ZNF280D: variants seen among roughly 807,000 people sequenced by gnomAD.
The protein encoded by ZNF280D is zinc finger protein 280D.
A neutral mutation model predicts 94.7 loss-of-function variants in ZNF280D; 39 were observed. The ratio of observed to expected loss-of-function variants is 0.41; its 90% confidence interval spans 0.32 to 0.54. ZNF280D has a LOEUF of 0.54. Among genes scored for constraint, ZNF280D ranks in the 20% least tolerant of loss-of-function variants. ZNF280D has a pLI of 0.22. For synonymous variants in ZNF280D, 398 were observed against 377.6 expected (o/e 1.05, Z -0.63); for missense variants, 1,090 against 1,149.3 (o/e 0.95, Z 0.75).
intron 16 of ZNF280D, among the ~76,000 whole-genome samples, chr15:56,659,175 TAAAAAAAA>T (rs35057161): frequency 2.1e-5 from 2 of 93,210 alleles, no homozygotes; most frequent in Admixed American, 1.3e-4. Context: ...TGTTTTTTAT[TAAAAAAAA>T]AAAAAAAAAA....
intron 17 of ZNF280D, 42 bp downstream of exon 17, chr15:56,658,382 C>T (rs1247820891): frequency 4.7e-6 from 7 of 1,484,934 alleles, no homozygotes; most frequent in African/African-American, 1.4e-5. Flanking sequence ...TAAGTCATTA[C>T]AATTTTTCAA....
rs947798244 is a variant in ZNF280D at position 56,706,967 on chromosome 15, C to T, written c.28+115G>A. ...TTTATGTGAACATTTGTTACTTTAA[C>T]AATTTTAAGCATTTTTGTTTTTTAA... On this transcript the variant is annotated intron_variant, in intron 3 of 21. Transcript: ENST00000267807. 10 of 935,308 alleles carry T rather than the reference C, an allele frequency of 1.1e-5. No homozygotes were observed. In the African/African-American group the frequency reaches 1.5e-4, roughly 14 times the overall value. 57.9% of individuals were successfully genotyped at this position (935,308 alleles called of 1,614,324 possible).
chr15:56,701,185 C>A lies in ZNF280D; in HGVS notation c.229G>T (p.Ala77Ser), dbSNP rs748736243. 1 of 1,593,194 alleles carries A rather than the reference C, an allele frequency of 6.3e-7. No individual in the cohort carries two copies. The highest frequency in any genetic ancestry group is 8.6e-7 in the Non-Finnish European group (1 of 1,169,276). The change falls in exon 5 of 22, where the codon GCA becomes TCA. Residue 77 changes from alanine to serine, a missense_variant. By Grantham distance (99) the Ala-to-Ser change is moderately conservative. Around this residue, in one of 3 missense-constraint regions of ZNF280D, gnomAD observed 386 missense variants for 372.0 expected, o/e 1.04. Coordinates refer to ENST00000267807, the MANE Select transcript of ZNF280D (RefSeq NM_017661.4). The stretch of plus-strand genomic sequence containing the variant: ...AATAATACTGTACCTCGACTGAGTG[C>A]ACCATTCTTTAGTCCCCTTGAATAT... ...SSYSRGLKNG[A>S]LSRGITAAFK... is the part of the protein sequence containing the mutation.
intron 16 of ZNF280D, among the ~76,000 whole-genome samples, chr15:56,663,571 G>T (rs1337252208): frequency 4.6e-5 from 7 of 152,054 alleles, no homozygotes. Context: ...GGGAAGCAAG[G>T]GTACCACTGA....
chr15:56,704,393 TTG>T, intron 3 of ZNF280D, 126 bp from the exon 4 acceptor site: 1 of 909,088 alleles, frequency 1.1e-6, no homozygotes, highest in Non-Finnish European at 1.7e-6. Flanking sequence ...GAATTGATAT[TTG>T]TAGTCAGTAT....
intron 13 of ZNF280D, among the ~76,000 whole-genome samples, chr15:56,670,009 A>ATATATATATATTAT (rs56365440): frequency 0.031 from 91 of 2,974 alleles, 20 homozygotes; most frequent in South Asian, 0.15. Flanking sequence ...ATATATATAT[A>ATATATATATATTAT]ATATATATAT....
At chr15:56,674,089 C>G (rs1409948737) in intron 13 of ZNF280D, among the ~76,000 whole-genome samples, 2 of 152,038 alleles carry the variant, frequency 1.3e-5, no homozygotes. Flanking sequence ...CCTAAAGCAG[C>G]CCCTAGCACA....
At chr15:56,668,325 C>A in intron 14 of ZNF280D, 1 of 354,258 alleles carries the variant, frequency 2.8e-6, no homozygotes, top group South Asian at 2.1e-5. Flanking sequence ...TGCAGTCAGA[C>A]ATGTGTTTGC....
At chr15:56,657,508 C>A (rs1157476186) in intron 17 of ZNF280D, among the ~76,000 whole-genome samples, 3 of 152,102 alleles carry the variant, frequency 2.0e-5, no homozygotes, top group African/African-American at 7.2e-5. Context: ...CTGGACACCA[C>A]CTTTCCACTG....
intron 9 of ZNF280D, among the ~76,000 whole-genome samples, chr15:56,688,203 G>T (rs1236881193): frequency 1.3e-5 from 2 of 151,862 alleles, no homozygotes; most frequent in East Asian, 3.9e-4. Context: ...TAAATTCAGG[G>T]GCTTCTTGTA....
chr15:56,652,776 A>C, intron 19 of ZNF280D: 1 of 985,088 alleles, frequency 1.0e-6, no homozygotes, highest in Non-Finnish European at 1.2e-6. Flanking sequence ...CTCACAATTA[A>C]GGTAATATTA....
intron 1 of ZNF280D, among the ~76,000 whole-genome samples, chr15:56,721,062 A>T (rs1405299918): frequency 6.6e-6 from 1 of 151,492 alleles, no homozygotes; most frequent in Non-Finnish European, 1.5e-5. Context: ...ACCCAGGTTC[A>T]AGTGATTCTT....
chr15:56,728,553 TTGA>T (rs2058738216), intron 1 of ZNF280D, among the ~76,000 whole-genome samples: 1 of 152,174 alleles, frequency 6.6e-6, no homozygotes, highest in South Asian at 2.1e-4. Flanking sequence ...GTATTGCATT[TTGA>T]TGATGTACAT....
chr15:56,727,647 A>ATCTT (rs2058690339), intron 1 of ZNF280D, among the ~76,000 whole-genome samples: 1 of 152,206 alleles, frequency 6.6e-6, no homozygotes, highest in African/African-American at 2.4e-5. Context: ...TACAATTAAG[A>ATCTT]ACTCAGACTT....
chr15:56,677,877 A>C lies in ZNF280D; in HGVS notation c.1163-203T>G, dbSNP rs553425779. Among the ~76,000 whole-genome samples the C allele has an allele frequency of 7.5e-4, 114 of 152,242 alleles. 3 individuals carry two copies. The highest frequency in any genetic ancestry group is 1.7e-3 in the South Asian group (8 of 4,812). On this transcript the variant is annotated intron_variant, in intron 11 of 21. Transcript: ENST00000267807. ...ACTCAACTCCTATTAACAACCCTAT[A>C]AGAAAGGTATTTCTGTTATCCGCAT...
intron 20 of ZNF280D, among the ~76,000 whole-genome samples, chr15:56,636,403 A>G (rs181330559): frequency 2.0e-5 from 3 of 152,070 alleles, no homozygotes; most frequent in African/African-American, 7.2e-5. Context: ...GGAAATCTAA[A>G]TGCTCCTTCC....
intron 16 of ZNF280D, among the ~76,000 whole-genome samples, chr15:56,663,054 T>C (rs1451390538): frequency 6.7e-6 from 1 of 149,592 alleles, no homozygotes; most frequent in Non-Finnish European, 1.5e-5. Context: ...GAGGCTAGAG[T>C]AGGCAGATCA....
At chr15:56,653,192 T>C in intron 19 of ZNF280D, 1 of 1,052,836 alleles carries the variant, frequency 9.5e-7, no homozygotes, top group Non-Finnish European at 1.1e-6. Context: ...AGAGTTTTTA[T>C]ATTCCTTGGA....
chr15:56,664,981 T>G (rs17238859), intron 16 of ZNF280D, among the ~76,000 whole-genome samples: 1 of 151,928 alleles, frequency 6.6e-6, no homozygotes, highest in African/African-American at 2.4e-5. Flanking sequence ...CATGGGGTAA[T>G]GGAAATCCAA....
Sources: gnomAD v4.1 joint callset for allele counts (sites outside exome capture counted in the v4.1 genomes callset) on GRCh38, gnomAD v4.1.1 for gene constraint, gnomAD v4.1.1 regional missense constraint, MANE v1.5 for transcripts, NCBI Gene and HGNC (gene_info 2026-07-23, HGNC 2026-07-21) for gene names.